PRKCQ: variants seen among roughly 807,000 people sequenced by gnomAD.
The protein encoded by PRKCQ is protein kinase C theta type.
Under a neutral mutation model 91.2 loss-of-function variants are expected in PRKCQ, and 41 were observed. That is an observed-to-expected ratio of 0.45 (90% CI 0.35 to 0.58). The LOEUF is 0.58. PRKCQ is among the 20% of genes least tolerant of loss of function. The probability of loss-of-function intolerance (pLI) is 0.00; values close to 1 mark genes in which losing one functional copy is unlikely to be tolerated. For synonymous variants in PRKCQ, 307 were observed against 316.9 expected (o/e 0.97, Z 0.33); for missense variants, 673 against 896.5 (o/e 0.75, Z 3.18).
chr10:6,467,972 T>C (rs1290922501), intron 12 of PRKCQ, among the ~76,000 whole-genome samples: 1 of 152,180 alleles, frequency 6.6e-6, no homozygotes, highest in Non-Finnish European at 1.5e-5. Flanking sequence ...TTCATGAAGC[T>C]GAGGCTGGAG....
chr10:6,483,646 G>C, intron 10 of PRKCQ, 46 bp from the exon 11 acceptor site: 1 of 1,599,128 alleles, frequency 6.3e-7, no homozygotes, highest in Non-Finnish European at 8.5e-7. Flanking sequence ...GAGTAATGGA[G>C]GTCATTCTAG....
chr10:6,516,849 C>T (rs1838781276), intron 1 of PRKCQ, among the ~76,000 whole-genome samples: 1 of 152,062 alleles, frequency 6.6e-6, no homozygotes, highest in Non-Finnish European at 1.5e-5. Context: ...ATGGAAACCT[C>T]CAGGGTGACC....
At chr10:6,552,946 C>T (rs1374266718) in intron 1 of PRKCQ, among the ~76,000 whole-genome samples, 1 of 151,868 alleles carries the variant, frequency 6.6e-6, no homozygotes, top group Non-Finnish European at 1.5e-5. Flanking sequence ...GTGAAGACAA[C>T]ATATTTTATG....
intron 11 of PRKCQ, among the ~76,000 whole-genome samples, chr10:6,480,940 T>C (rs1298285373): frequency 6.6e-6 from 1 of 152,184 alleles, no homozygotes; most frequent in Non-Finnish European, 1.5e-5. Context: ...TTTCTTAGGC[T>C]TAAAATTTGT....
the PRKCQ span, among the ~76,000 whole-genome samples, chr10:6,406,455 A>T: frequency 6.6e-6 from 1 of 152,130 alleles, no homozygotes; most frequent in African/African-American, 2.4e-5. Context: ...TAAAATTGTG[A>T]TTGCAGATTA....
chr10:6,572,609 C>T (rs1280900835), intron 1 of PRKCQ, among the ~76,000 whole-genome samples: 1 of 152,168 alleles, frequency 6.6e-6, no homozygotes, highest in South Asian at 2.1e-4. Flanking sequence ...TGTGTATGTA[C>T]ATTTTCTTAA....
At chr10:6,486,363 C>T (rs1482434616) in intron 8 of PRKCQ, among the ~76,000 whole-genome samples, 1 of 152,132 alleles carries the variant, frequency 6.6e-6, no homozygotes, top group Non-Finnish European at 1.5e-5. Context: ...GGTTCAGACG[C>T]CAGACCAAAT....
chr10:6,453,410 T>A (rs1204509727), intron 15 of PRKCQ, among the ~76,000 whole-genome samples: 1 of 152,148 alleles, frequency 6.6e-6, no homozygotes, highest in Non-Finnish European at 1.5e-5. Context: ...CATTAAAAAG[T>A]CAGGAAACAA....
intron 16 of PRKCQ, among the ~76,000 whole-genome samples, chr10:6,437,320 C>T (rs1833744998): frequency 6.6e-6 from 1 of 152,126 alleles, no homozygotes; most frequent in Admixed American, 6.5e-5. Flanking sequence ...AAAGAGAGAC[C>T]AGAGTTTATC....
chr10:6,564,563 CTCCTAGCTGCA>C (rs1307328533), intron 1 of PRKCQ, among the ~76,000 whole-genome samples: 1 of 152,044 alleles, frequency 6.6e-6, no homozygotes, highest in Non-Finnish European at 1.5e-5. Context: ...GAATCTCAAC[CTCCTAGCTGCA>C]TCCACCCAGG....
At chr10:6,575,134 A>T (rs996411849) in intron 1 of PRKCQ, among the ~76,000 whole-genome samples, 1 of 152,228 alleles carries the variant, frequency 6.6e-6, no homozygotes, top group African/African-American at 2.4e-5. Context: ...GTTGCATGAC[A>T]TTATAAACTG....
At chr10:6,488,183 G>A (rs1301421856) in intron 8 of PRKCQ, among the ~76,000 whole-genome samples, 1 of 152,160 alleles carries the variant, frequency 6.6e-6, no homozygotes, top group Non-Finnish European at 1.5e-5. Flanking sequence ...TGTGTGCAAA[G>A]AAGCTTAGCA....
At chr10:6,439,930 C>T (rs1833884498) in intron 16 of PRKCQ, among the ~76,000 whole-genome samples, 1 of 152,132 alleles carries the variant, frequency 6.6e-6, no homozygotes, top group African/African-American at 2.4e-5. Flanking sequence ...GGCTTTGTGT[C>T]CCCACCCAGA....
intron 15 of PRKCQ, among the ~76,000 whole-genome samples, chr10:6,449,534 C>A (rs1454986949): frequency 6.6e-6 from 1 of 151,954 alleles, no homozygotes. Flanking sequence ...GGAGAACTTC[C>A]CCAATCTAGC....
intron 8 of PRKCQ, among the ~76,000 whole-genome samples, chr10:6,487,531 G>GA (rs1564343145): frequency 6.6e-6 from 1 of 152,152 alleles, no homozygotes; most frequent in African/African-American, 2.4e-5. Context: ...CTAGCTTGGG[G>GA]ATCCTACAAT....
chr10:6,551,023 CA>C (rs1840162983), intron 1 of PRKCQ, among the ~76,000 whole-genome samples: 1 of 152,014 alleles, frequency 6.6e-6, no homozygotes, highest in Non-Finnish European at 1.5e-5. Context: ...ATTTTAGGTT[CA>C]GGGGTACGCC....
the PRKCQ span, among the ~76,000 whole-genome samples, chr10:6,399,763 G>A: frequency 6.6e-6 from 1 of 152,040 alleles, no homozygotes; most frequent in Non-Finnish European, 1.5e-5. Flanking sequence ...GGGCTTGGCT[G>A]GCGGATTCCA....
chr10:6,567,298 G>A (rs897584586), intron 1 of PRKCQ, among the ~76,000 whole-genome samples: 1 of 152,216 alleles, frequency 6.6e-6, no homozygotes, highest in African/African-American at 2.4e-5. Flanking sequence ...CAGGACATAG[G>A]GATTCTGTTT....
chr10:6,560,419 T>G (rs1274681747), intron 1 of PRKCQ, among the ~76,000 whole-genome samples: 1 of 152,178 alleles, frequency 6.6e-6, no homozygotes, highest in South Asian at 2.1e-4. Flanking sequence ...TTTCACAGCT[T>G]CTTCTTCCCC....
Sources: allele counts gnomAD v4.1 joint callset (sites outside exome capture counted in the v4.1 genomes callset), GRCh38; gene constraint gnomAD v4.1.1; transcripts MANE v1.5; gene names NCBI Gene and HGNC (gene_info 2026-07-23, HGNC 2026-07-21).